The following CFAP43 variants were observed in gnomAD, a reference collection of about 807,000 sequenced individuals.
CFAP43 encodes the protein cilia- and flagella-associated protein 43.
In CFAP43, 155 loss-of-function variants were observed where a neutral mutation model predicts 218.9. The observed-to-expected ratio is 0.71, with a 90% CI of 0.62 to 0.81. The LOEUF (loss-of-function observed/expected upper bound fraction) is 0.81, where lower values mean the gene tolerates loss of function less well. CFAP43 is among the 30% of genes least tolerant of loss of function. The probability of loss-of-function intolerance (pLI) is 0.00; values close to 1 mark genes in which losing one functional copy is unlikely to be tolerated. For synonymous variants in CFAP43, 645 were observed against 681.3 expected (o/e 0.95, Z 0.83); for missense variants, 1,778 against 1,954.3 (o/e 0.91, Z 1.70).
At chr10:104,197,840 C>G (rs2090422033) in intron 9 of CFAP43, 82 bp downstream of exon 9, 2 of 984,378 alleles carry the variant, frequency 2.0e-6, no homozygotes, top group Non-Finnish European at 3.1e-6. Flanking sequence ...CAAAGTTACC[C>G]AATAACATAT....
At chr10:104,138,088 A>G (rs1169111272) in intron 34 of CFAP43, among the ~76,000 whole-genome samples, 1 of 152,216 alleles carries the variant, frequency 6.6e-6, no homozygotes, top group Non-Finnish European at 1.5e-5. Context: ...GGAACAGTGG[A>G]GAAAAAGTAA....
chr10:104,221,259 G>T (rs937294498), intron 3 of CFAP43, among the ~76,000 whole-genome samples: 4 of 152,186 alleles, frequency 2.6e-5, no homozygotes, highest in Non-Finnish European at 5.9e-5. Flanking sequence ...ACAGGCGTGA[G>T]CCACCATGCC....
intron 34 of CFAP43, among the ~76,000 whole-genome samples, chr10:104,138,997 G>A (rs1210021272): frequency 2.0e-5 from 3 of 152,176 alleles, no homozygotes; most frequent in Non-Finnish European, 2.9e-5. Context: ...GGGATGGAAA[G>A]TATAAGTTAA....
At chr10:104,216,877 G>C (rs1013774192) in intron 3 of CFAP43, among the ~76,000 whole-genome samples, 3 of 152,062 alleles carry the variant, frequency 2.0e-5, no homozygotes, top group African/African-American at 7.2e-5. Flanking sequence ...CAAGGAACCA[G>C]GCTGAGGCAC....
chr10:104,186,295 G>A (rs879489009), intron 14 of CFAP43, among the ~76,000 whole-genome samples, 172 bp from the exon 15 acceptor site: 12 of 152,136 alleles, frequency 7.9e-5, no homozygotes, highest in East Asian at 1.9e-4. Context: ...GGACACCTGC[G>A]TTTGCATCAT....
At chr10:104,194,982 T>C (rs1435828632) in intron 10 of CFAP43, among the ~76,000 whole-genome samples, 2 of 152,156 alleles carry the variant, frequency 1.3e-5, no homozygotes, top group Admixed American at 1.3e-4. Context: ...AGTGTGTGTA[T>C]ATGTGTATGT....
At chr10:104,163,811 G>A (rs1185631687) in intron 24 of CFAP43, among the ~76,000 whole-genome samples, 1 of 152,238 alleles carries the variant, frequency 6.6e-6, no homozygotes, top group Non-Finnish European at 1.5e-5. Flanking sequence ...GCAGAGTGAT[G>A]TGAACTAAGA....
chr10:104,175,242 A>C (rs2089582430), intron 19 of CFAP43, among the ~76,000 whole-genome samples: 1 of 152,080 alleles, frequency 6.6e-6, no homozygotes, highest in Admixed American at 6.6e-5. Context: ...TGGGCATCAT[A>C]GGGAGACCCT....
chr10:104,163,334 A>G (rs958672411), intron 24 of CFAP43, among the ~76,000 whole-genome samples: 1 of 152,212 alleles, frequency 6.6e-6, no homozygotes, highest in Non-Finnish European at 1.5e-5. Context: ...GTGCCCAGCC[A>G]ATATCCAGCA....
At chr10:104,205,830 A>G in intron 7 of CFAP43, 133 bp downstream of exon 7, 1 of 766,436 alleles carries the variant, frequency 1.3e-6, no homozygotes, top group Non-Finnish European at 2.2e-6. Flanking sequence ...AATAGTACCC[A>G]AAGAGGAAAC....
In CFAP43 at chr10:104,215,887, C is replaced by T. The variant is rs1478968660; in HGVS notation, c.417-1461G>A. ...CTCCCCTTACAATGGAAGGTGTGTC[C>T]TTCCTCCTACCTAAGGCCAATTCCA... On this transcript the variant is annotated intron_variant, in intron 3 of 37. Transcript: ENST00000357060. Among the ~76,000 whole-genome samples the T allele has an allele frequency of 2.0e-5, 3 of 152,082 alleles. No homozygotes were observed. The East Asian group carries it at 5.8e-4, about 29-fold the overall frequency.
intron 4 of CFAP43, among the ~76,000 whole-genome samples, chr10:104,213,604 C>T (rs2090926780): frequency 6.6e-6 from 1 of 151,988 alleles, no homozygotes; most frequent in Non-Finnish European, 1.5e-5. Flanking sequence ...GGCACGATCT[C>T]GGCTCACTGC....
chr10:104,214,154 T>A, intron 4 of CFAP43, 105 bp downstream of exon 4: 1 of 1,068,506 alleles, frequency 9.4e-7, no homozygotes, highest in Non-Finnish European at 1.3e-6. Context: ...TGTATGCATA[T>A]ATATGTATGT....
At chr10:104,215,988 T>C (rs1183598585) in intron 3 of CFAP43, among the ~76,000 whole-genome samples, 1 of 152,076 alleles carries the variant, frequency 6.6e-6, no homozygotes, top group Non-Finnish European at 1.5e-5. Flanking sequence ...ATCTTCCAAC[T>C]CTCCCTCTAG....
At chr10:104,136,951 A>C (rs2087481119) in intron 34 of CFAP43, among the ~76,000 whole-genome samples, 2 of 152,248 alleles carry the variant, frequency 1.3e-5, no homozygotes, top group Non-Finnish European at 2.9e-5. Context: ...AAGCAAGCAA[A>C]CAACAAAAAA....
intron 28 of CFAP43, among the ~76,000 whole-genome samples, chr10:104,152,395 A>C (rs2088306706): frequency 6.6e-6 from 1 of 152,132 alleles, no homozygotes; most frequent in East Asian, 1.9e-4. Context: ...TGGCAGAGGC[A>C]TGAGGAGGGA....
Position 104,140,765 on chromosome 10 carries a change from A to G in CFAP43, c.4431+77T>C, listed in dbSNP as rs1251854420. 2.7e-5 allele frequency: 33 copies of G among 1,217,390 alleles called. No individual in the cohort carries two copies. In the East Asian group the frequency reaches 6.5e-4, roughly 24 times the overall value. 75.4% of individuals were successfully genotyped at this position (1,217,390 alleles called of 1,614,324 possible). ...CTAAGGGTTAAGGCTGCAGTGAGCC[A>G]TGATTGTGCCACAAGACTCTAGCCT... is the stretch of plus-strand genomic sequence containing the variant. On this transcript the variant is annotated intron_variant, in intron 34 of 37. Transcript: ENST00000357060.
At chr10:104,162,093 C>A in intron 25 of CFAP43, 52 bp from the exon 26 acceptor site, 1 of 1,557,520 alleles carries the variant, frequency 6.4e-7, no homozygotes, top group South Asian at 1.2e-5. Flanking sequence ...ACCTGACATT[C>A]CAGGTGGCTC....
At chr10:104,148,960 C>T (rs1047866408) in intron 28 of CFAP43, among the ~76,000 whole-genome samples, 2 of 152,084 alleles carry the variant, frequency 1.3e-5, no homozygotes, top group African/African-American at 2.4e-5. Flanking sequence ...AGTTTACCTA[C>T]GTAACAAACC....
Sources: allele counts gnomAD v4.1 joint callset (sites outside exome capture counted in the v4.1 genomes callset), GRCh38; gene constraint gnomAD v4.1.1; transcripts MANE v1.5; gene names NCBI Gene and HGNC (gene_info 2026-07-23, HGNC 2026-07-21).